Variants in NXPE2 observed in about 807,000 individuals in gnomAD.
NXPE2 encodes the protein NXPE family member 2.
A neutral mutation model predicts 34.4 loss-of-function variants in NXPE2; 34 were observed. The ratio of observed to expected loss-of-function variants is 0.99; its 90% CI spans 0.75 to 1.31. The LOEUF (loss-of-function observed/expected upper bound fraction) is 1.31. NXPE2 is among the 40% of genes most tolerant of loss of function. The pLI, the probability that NXPE2 is intolerant of heterozygous loss-of-function variation, is 0.00. For synonymous variants in NXPE2, 235 were observed against 231.3 expected, an observed-to-expected ratio of 1.02 and a Z score of -0.15; for missense variants, 649 against 672.5, an observed-to-expected ratio of 0.97 and a Z score of 0.39.
the NXPE2 span, among the ~76,000 whole-genome samples, chr11:114,658,183 A>G: frequency 6.6e-6 from 1 of 152,360 alleles, no homozygotes; most frequent in African/African-American, 2.4e-5. Context: ...CAGGCCAACC[A>G]TCTAGCTTAA....
the NXPE2 span, among the ~76,000 whole-genome samples, chr11:114,753,913 A>T: frequency 1.3e-5 from 2 of 152,142 alleles, no homozygotes; most frequent in African/African-American, 2.4e-5. Flanking sequence ...ACTTAATTGG[A>T]TGGAATATGA....
chr11:114,619,997 T>C, the NXPE2 span, among the ~76,000 whole-genome samples: 20 of 152,124 alleles, frequency 1.3e-4, no homozygotes, highest in African/African-American at 4.1e-4. Flanking sequence ...ATAGTTAGTA[T>C]TGCCTCGTGG....
At chr11:114,703,657 G>C (rs1055036588) in intron 3 of NXPE2, among the ~76,000 whole-genome samples, 1 of 10,652 alleles carries the variant, frequency 9.4e-5, no homozygotes, top group African/African-American at 2.7e-4. Flanking sequence ...AATAAGCATA[G>C]ATAGATAGAT....
chr11:114,620,199 A>G, the NXPE2 span, among the ~76,000 whole-genome samples: 1 of 152,046 alleles, frequency 6.6e-6, no homozygotes, highest in Non-Finnish European at 1.5e-5. Context: ...CCCGCTGGAT[A>G]CTAACTTTTG....
At chr11:114,485,383 CTTTTTTTTTTTT>C in the NXPE2 span, among the ~76,000 whole-genome samples, 9 of 89,220 alleles carry the variant, frequency 1.0e-4, no homozygotes, top group Non-Finnish European at 1.6e-4. Context: ...TAATTTTTGT[CTTTTTTTTTTTT>C]TTTTTTTTTT....
the NXPE2 span, among the ~76,000 whole-genome samples, chr11:114,633,031 A>C: frequency 8.1e-5 from 9 of 110,658 alleles, no homozygotes; most frequent in East Asian, 2.0e-3. Flanking sequence ...ATAATGTAAT[A>C]TTTTATTATA....
chr11:114,604,174 A>T, the NXPE2 span, among the ~76,000 whole-genome samples: 8 of 152,206 alleles, frequency 5.3e-5, no homozygotes, highest in South Asian at 1.7e-3. Context: ...CCTCGCAGTT[A>T]ACTACTGTTA....
the NXPE2 span, among the ~76,000 whole-genome samples, chr11:114,781,616 T>G: frequency 6.6e-6 from 1 of 151,832 alleles, no homozygotes. Flanking sequence ...AAGGGCACAG[T>G]GCATTGGGGA....
the NXPE2 span, among the ~76,000 whole-genome samples, chr11:114,741,019 ACTT>A: frequency 6.6e-6 from 1 of 152,122 alleles, no homozygotes; most frequent in South Asian, 2.1e-4. Context: ...GAAGAAATGA[ACTT>A]CTTCAGCTTT....
chr11:114,776,636 G>T, the NXPE2 span, among the ~76,000 whole-genome samples: 3 of 152,232 alleles, frequency 2.0e-5, no homozygotes, highest in African/African-American at 7.2e-5. Context: ...GTGGGCCTGG[G>T]TGTTCCCTTT....
At chr11:114,476,092 G>A in the NXPE2 span, among the ~76,000 whole-genome samples, 1 of 152,206 alleles carries the variant, frequency 6.6e-6, no homozygotes, top group African/African-American at 2.4e-5. Flanking sequence ...ATGTTGTTGA[G>A]GGATTGGTGT....
chr11:114,689,917 G>A (rs1951119092), intron 2 of NXPE2, among the ~76,000 whole-genome samples: 1 of 151,888 alleles, frequency 6.6e-6, no homozygotes, highest in Non-Finnish European at 1.5e-5. Flanking sequence ...AACAAACTTG[G>A]CTCTTTTTCC....
upstream of NXPE2, among the ~76,000 whole-genome samples, chr11:114,675,234 T>G (rs748717769): frequency 2.0e-5 from 3 of 151,866 alleles, no homozygotes; most frequent in Non-Finnish European, 4.4e-5. Flanking sequence ...CTAAAGGCTT[T>G]TCCTTTAAGA....
At chr11:114,530,662 C>A in the NXPE2 span, 1 of 1,614,180 alleles carries the variant, frequency 6.2e-7, no homozygotes, top group South Asian at 1.1e-5. Flanking sequence ...TCCAGCTGGT[C>A]TCCCCTGCAG....
At chr11:114,749,377 C>A in the NXPE2 span, among the ~76,000 whole-genome samples, 2 of 152,042 alleles carry the variant, frequency 1.3e-5, no homozygotes, top group Non-Finnish European at 1.5e-5. Flanking sequence ...ATTCCAGGAC[C>A]CATCACACAT....
At chr11:114,629,753 A>G in the NXPE2 span, among the ~76,000 whole-genome samples, 1 of 151,446 alleles carries the variant, frequency 6.6e-6, no homozygotes, top group Admixed American at 6.6e-5. Flanking sequence ...AGACGACATG[A>G]TTGTATATCT....
At chr11:114,496,076 C>G in the NXPE2 span, among the ~76,000 whole-genome samples, 1 of 152,186 alleles carries the variant, frequency 6.6e-6, no homozygotes. Flanking sequence ...AGCATAGCAC[C>G]AGGACTTGCC....
At chr11:114,580,141 T>C in the NXPE2 span, 1 of 1,613,356 alleles carries the variant, frequency 6.2e-7, no homozygotes, top group Admixed American at 1.7e-5. Flanking sequence ...CTGTTGATAC[T>C]GGCTTTGAAG....
chr11:114,703,695 TAGATGATA>T (rs1322874524), intron 3 of NXPE2, among the ~76,000 whole-genome samples: 4 of 19,382 alleles, frequency 2.1e-4, no homozygotes, highest in Non-Finnish European at 3.9e-4. Flanking sequence ...GATAGATAGA[TAGATGATA>T]GATAGATAGA....
Sources: allele counts gnomAD v4.1 joint callset (sites outside exome capture counted in the v4.1 genomes callset), GRCh38; gene constraint gnomAD v4.1.1; transcripts MANE v1.5; gene names NCBI Gene and HGNC (gene_info 2026-07-23, HGNC 2026-07-21).